The following TOX2 variants were observed in gnomAD, a reference collection of about 807,000 sequenced individuals.
TOX2 encodes the protein granulosa cell HMG box 1.
Under a neutral mutation model 47.4 loss-of-function variants are expected in TOX2, and 15 were observed. That is an observed-to-expected ratio of 0.32 (90% CI 0.21 to 0.49). TOX2 has a LOEUF of 0.49. Among genes scored for constraint, TOX2 ranks in the 20% least tolerant of loss-of-function variants. TOX2 has a pLI of 0.99. For missense variants in TOX2, 622 were observed against 673.1 expected, an observed-to-expected ratio of 0.92 and a Z score of 0.84; for synonymous variants, 290 against 296.6, an observed-to-expected ratio of 0.98 and a Z score of 0.23.
Position 44,027,765 on chromosome 20 carries a change from G to A in TOX2, c.411+20973G>A, listed in dbSNP as rs138666368. Among the ~76,000 whole-genome samples the A allele has an allele frequency of 1.6e-4, 25 of 152,372 alleles. No individual in the cohort carries two copies. In the East Asian group the frequency reaches 3.5e-3, roughly 21 times the overall value. On this transcript the variant is annotated intron_variant, in intron 3 of 8. Coordinates refer to ENST00000341197, the MANE Select transcript of TOX2 (RefSeq NM_001098797.2). ...CAGGCAAAGATGAGGAGGCAGGAAT[G>A]TTCTGTGTGTCGGGGGCCAGTGGGG...
chr20:44,022,112 C>T (rs1467806324), intron 3 of TOX2, among the ~76,000 whole-genome samples: 1 of 152,230 alleles, frequency 6.6e-6, no homozygotes, highest in East Asian at 1.9e-4. Context: ...ACGCTGGAGA[C>T]AAAACTGTCC....
At chr20:43,993,842 G>A (rs1344889532) in intron 2 of TOX2, among the ~76,000 whole-genome samples, 1 of 152,164 alleles carries the variant, frequency 6.6e-6, no homozygotes, top group East Asian at 1.9e-4. Flanking sequence ...AGAGGCAGTT[G>A]GATATGTAGC....
intron 3 of TOX2, among the ~76,000 whole-genome samples, chr20:44,043,417 T>C (rs2071365005): frequency 6.6e-6 from 1 of 152,230 alleles, no homozygotes; most frequent in Non-Finnish European, 1.5e-5. Flanking sequence ...CTGCAGTGAG[T>C]GTTTTTATGC....
rs145624641 is a variant in TOX2, at chr20:43,995,379, C to T, written c.166-11168C>T. ...GCAGAATTCATAAAATCACTATACC[C>T]GTGATAAGAAGTTACAGTGCTAGGA... On this transcript the variant is annotated intron_variant, in intron 2 of 8. Coordinates refer to ENST00000341197, the MANE Select transcript of TOX2 (RefSeq NM_001098797.2). Among the ~76,000 whole-genome samples the T allele has an allele frequency of 8.6e-3, 1,310 of 152,220 alleles. 12 individuals carry two copies. The highest frequency in any genetic ancestry group is 0.058 in the Middle Eastern group (17 of 294).
At chr20:43,957,855 C>T (rs2145416450) in intron 1 of TOX2, among the ~76,000 whole-genome samples, 1 of 152,244 alleles carries the variant, frequency 6.6e-6, no homozygotes, top group Admixed American at 6.5e-5. Context: ...ACATGGCCAG[C>T]AGGAGAGACA....
chr20:44,051,876 G>C (rs2071519027), intron 4 of TOX2, among the ~76,000 whole-genome samples: 1 of 152,224 alleles, frequency 6.6e-6, no homozygotes, highest in African/African-American at 2.4e-5. Context: ...GAGCGTCCTT[G>C]ACAAGCTGTG....
intron 2 of TOX2, among the ~76,000 whole-genome samples, chr20:43,981,802 A>G (rs2070173418): frequency 6.6e-6 from 1 of 152,210 alleles, no homozygotes; most frequent in South Asian, 2.1e-4. Flanking sequence ...TTCTGGTCCC[A>G]TGGGCAGATT....
chr20:43,921,491 T>C (rs1001485101), intron 1 of TOX2, among the ~76,000 whole-genome samples: 1 of 152,160 alleles, frequency 6.6e-6, no homozygotes, highest in African/African-American at 2.4e-5. Context: ...CCTTTGGAGC[T>C]TGAGGGTTGG....
At chr20:44,001,517 G>A (rs1322681676) in intron 2 of TOX2, among the ~76,000 whole-genome samples, 1 of 152,318 alleles carries the variant, frequency 6.6e-6, no homozygotes, top group East Asian at 1.9e-4. Flanking sequence ...GCCTCTTTAA[G>A]TGAATTGTCA....
At chr20:43,989,010 A>C (rs2070321239) in intron 2 of TOX2, among the ~76,000 whole-genome samples, 1 of 152,196 alleles carries the variant, frequency 6.6e-6, no homozygotes, top group African/African-American at 2.4e-5. Flanking sequence ...TTTGAACCAC[A>C]GTTAGTCTGA....
At chr20:43,946,880 C>T (rs915704555) in intron 1 of TOX2, among the ~76,000 whole-genome samples, 1 of 152,176 alleles carries the variant, frequency 6.6e-6, no homozygotes, top group Non-Finnish European at 1.5e-5. Flanking sequence ...GACCCGACCT[C>T]TTCTCGTGCT....
At chr20:43,967,622 C>T (rs914541631) in intron 1 of TOX2, among the ~76,000 whole-genome samples, 2 of 152,068 alleles carry the variant, frequency 1.3e-5, no homozygotes, top group Non-Finnish European at 2.9e-5. Context: ...TCCATTCATC[C>T]ACTCCTCCCT....
chr20:43,984,259 C>T (rs2145517145), intron 2 of TOX2, among the ~76,000 whole-genome samples: 1 of 152,198 alleles, frequency 6.6e-6, no homozygotes, highest in Non-Finnish European at 1.5e-5. Flanking sequence ...GAATAAATAC[C>T]AGAGGCCTTA....
chr20:43,978,099 G>A (rs945414338), intron 2 of TOX2, among the ~76,000 whole-genome samples: 3 of 152,198 alleles, frequency 2.0e-5, no homozygotes, highest in East Asian at 1.9e-4. Context: ...TGTGGATTCT[G>A]TTGCTGCCTC....
intron 1 of TOX2, among the ~76,000 whole-genome samples, chr20:43,957,859 A>G (rs2069694229): frequency 6.6e-6 from 1 of 152,204 alleles, no homozygotes; most frequent in Non-Finnish European, 1.5e-5. Flanking sequence ...GGCCAGCAGG[A>G]GAGACAGAGC....
At chr20:43,983,930 C>T (rs117560779) in intron 2 of TOX2, among the ~76,000 whole-genome samples, 2,865 of 152,244 alleles carry the variant, frequency 0.019, 48 homozygotes, top group Non-Finnish European at 0.023. Flanking sequence ...TGGAGGCAGG[C>T]GACCCTCCTG....
Position 44,021,711 on chromosome 20 carries a change from C to A in TOX2, c.411+14919C>A, listed in dbSNP as rs116992585. ...CGGTGCAATCATGGCTCCCTGCAGC[C>A]TCTACCTTCCTGATTCAAGCAATCC... On this transcript the variant is annotated intron_variant, in intron 3 of 8. Coordinates refer to ENST00000341197, the MANE Select transcript of TOX2 (RefSeq NM_001098797.2). 8.2e-4 allele frequency among the ~76,000 whole-genome samples: 125 copies of A among 152,264 alleles called. 2 individuals carry two copies. The East Asian group carries it at 0.023, about 28-fold the overall frequency.
rs1294970163 is a variant in TOX2, at chr20:43,914,859, G to C, written c.-33G>C. 1.1e-6 allele frequency: 1 copy of C among 944,098 alleles called. No individual in the cohort carries two copies. The highest frequency in any genetic ancestry group is 1.3e-6 in the Non-Finnish European group (1 of 793,460). The allele number at this position is 944,098 out of a possible 1,614,324, so 58.5% of individuals were successfully genotyped here. ...CCCGCCGCCCGCCCAGGCACTGCCC[G>C]CGGGAGCCGCCGCCGCCGCCGCCGC... is the stretch of plus-strand genomic sequence containing the variant. On this transcript the variant is annotated 5_prime_UTR_variant, in exon 1 of 9. Transcript: ENST00000341197. The surrounding 1 kb of genome is among the most constrained non-coding windows in gnomAD (Gnocchi z 4.5).
At chr20:44,054,208 A>C in intron 4 of TOX2, 91 bp from the exon 5 acceptor site, 2 of 1,348,776 alleles carry the variant, frequency 1.5e-6, no homozygotes, top group South Asian at 2.5e-5. Flanking sequence ...GCAGGGCTGG[A>C]GAAGTGCAGC....
Sources: gnomAD v4.1 joint callset for allele counts (sites outside exome capture counted in the v4.1 genomes callset) on GRCh38, gnomAD v4.1.1 for gene constraint, Gnocchi (gnomAD v3.1) non-coding constraint, MANE v1.5 for transcripts, NCBI Gene and HGNC (gene_info 2026-07-23, HGNC 2026-07-21) for gene names.